Variants in ANKRD13C observed in about 807,000 individuals in gnomAD.
ANKRD13C encodes the protein ankyrin repeat domain 13C.
ANKRD13C carries 16 observed loss-of-function variants against 65.5 expected under a neutral mutation model. The ratio of observed to expected loss-of-function variants is 0.24; its 90% CI spans 0.17 to 0.37. ANKRD13C has a LOEUF of 0.37. Among genes scored for constraint, ANKRD13C ranks in the 10% least tolerant of loss-of-function variants. The probability of loss-of-function intolerance (pLI) is 1.00; values close to 1 mark genes in which losing one functional copy is unlikely to be tolerated. For missense variants in ANKRD13C, 503 were observed against 655.9 expected (o/e 0.77, Z 2.55); for synonymous variants, 235 against 238.7 (o/e 0.98, Z 0.14).
chr1:70,267,815 T>C (rs1427745388), intron 12 of ANKRD13C, among the ~76,000 whole-genome samples: 1 of 152,176 alleles, frequency 6.6e-6, no homozygotes. Flanking sequence ...TATACATTAT[T>C]GTGTGTATGT....
chr1:70,334,321 G>A (rs1459280187), intron 2 of ANKRD13C, among the ~76,000 whole-genome samples: 1 of 152,102 alleles, frequency 6.6e-6, no homozygotes, highest in Non-Finnish European at 1.5e-5. Context: ...GCAAGACCCT[G>A]TCTCTAAAAT....
At chr1:70,266,352 G>A (rs141378668) in intron 12 of ANKRD13C, among the ~76,000 whole-genome samples, 2,963 of 152,238 alleles carry the variant, frequency 0.019, 39 homozygotes, top group Non-Finnish European at 0.029. Flanking sequence ...TATATCCCAC[G>A]GTATAGGTGT....
At chr1:70,344,328 T>C (rs1250533326) in intron 1 of ANKRD13C, among the ~76,000 whole-genome samples, 3 of 142,890 alleles carry the variant, frequency 2.1e-5, no homozygotes, top group Admixed American at 7.2e-5. Flanking sequence ...CTGGGCATGG[T>C]AGTGTGGTAT....
chr1:70,306,359 T>A, intron 5 of ANKRD13C, 69 bp from the exon 6 acceptor site: 1 of 952,076 alleles, frequency 1.1e-6, no homozygotes, highest in Non-Finnish European at 1.6e-6. Flanking sequence ...ACTTTTAAAT[T>A]AAAAGAGTAA....
rs1682890453 is a variant in ANKRD13C at position 70,354,203 on chromosome 1, G to A, written c.206C>T (p.Ser69Phe). ...HRLQLKAAPA[S>F]SNPPGAPALP... ...AGCCGGGGCGCCGGGGGGATTGGAG[G>A]AGGCCGGAGCTGCCTTCAGCTGTAG... The change falls in exon 1 of 13, where the codon TCC becomes TTC. Residue 69 changes from serine to phenylalanine, a missense_variant. Ser to Phe is a radical substitution (Grantham distance 155, BLOSUM62 -2). Transcript: ENST00000370944. 5 of 1,613,836 alleles carry A rather than the reference G, an allele frequency of 3.1e-6. No individual in the cohort carries two copies. The highest frequency in any genetic ancestry group is 4.2e-6 in the Non-Finnish European group (5 of 1,180,036).
At chr1:70,337,903 C>T (rs1682115264) in intron 1 of ANKRD13C, among the ~76,000 whole-genome samples, 2 of 152,092 alleles carry the variant, frequency 1.3e-5, no homozygotes, top group African/African-American at 4.8e-5. Context: ...AGTTCAAGAC[C>T]AGCCTGACCA....
In ANKRD13C at chr1:70,276,685, G is replaced by A. The variant is rs140120022; in HGVS notation, c.1295+80C>T. The A allele has an allele frequency of 7.0e-5, 78 of 1,116,118 alleles. 2 individuals are homozygous for A. The South Asian group carries it at 8.4e-4, about 12-fold the overall frequency. The allele number at this position is 1,116,118 out of a possible 1,614,324, so 69.1% of individuals were successfully genotyped here. On this transcript the variant is annotated intron_variant, in intron 10 of 12. Coordinates refer to ENST00000370944, the MANE Select transcript of ANKRD13C (RefSeq NM_030816.5). Reference sequence around the variant, plus strand: ...AATAATTCTCTCCAAAATAATTTACGCCAAAATATTCACATATTCAGTTTT... The same window carrying A: ...AATAATTCTCTCCAAAATAATTTACACCAAAATATTCACATATTCAGTTTT...
Position 70,276,810 on chromosome 1 carries a change from T to G in ANKRD13C, c.1250A>C (p.Gln417Pro). 6.2e-7 allele frequency: 1 copy of G among 1,604,324 alleles called. No homozygotes were observed. Among genetic ancestry groups the G allele is most frequent in the Non-Finnish European group, 8.5e-7 (1 of 1,177,632 alleles). The change falls in exon 10 of 13, where the codon CAG (glutamine) becomes CCG (proline). Residue 417 changes from glutamine (Q) to proline (P), a missense_variant. By Grantham distance (76) the Gln-to-Pro change is moderately conservative (BLOSUM62 -1). This residue lies in a region of ANKRD13C where 300 missense variants were observed against 478.3 expected (regional missense o/e 0.63). Transcript: ENST00000370944. ...IRRQSLTPPP[Q>P]NTITWEEYIS... ...ATATTCTTCCCATGTAATAGTGTTC[T>G]GAGGAGGAGGTGTAAGAGACTGTCT...
chr1:70,286,910 T>C (rs896024898), intron 9 of ANKRD13C, among the ~76,000 whole-genome samples: 1 of 152,020 alleles, frequency 6.6e-6, no homozygotes, highest in African/African-American at 2.4e-5. Context: ...TGCTTGAACA[T>C]GGCAGGCAGA....
At chr1:70,304,105 G>A (rs932840274) in intron 6 of ANKRD13C, among the ~76,000 whole-genome samples, 7 of 152,052 alleles carry the variant, frequency 4.6e-5, no homozygotes, top group East Asian at 1.9e-4. Context: ...ACAGTGGCAC[G>A]ATCTCGGCTC....
At position 70,324,716 on chromosome 1, in the gene ANKRD13C, T is replaced by C. The variant is rs1681458187; in HGVS notation, c.577+137A>G. 6 of 536,512 alleles carry C rather than the reference T, an allele frequency of 1.1e-5. No individual in the cohort carries two copies. The South Asian group carries it at 2.0e-4, about 17-fold the overall frequency. 33.2% of individuals were successfully genotyped at this position (536,512 alleles called of 1,614,324 possible). A position where few individuals can be genotyped will look rare whatever the true frequency, so the allele number is the denominator to read the frequency against. On this transcript the variant is annotated intron_variant, in intron 3 of 12. Transcript: ENST00000370944. ...ACTCAATGTTCAAGTTCCTAAGTCA[T>C]GAATAATTCACATGTAAGTTTACAC...
intron 6 of ANKRD13C, among the ~76,000 whole-genome samples, chr1:70,303,183 A>C (rs183481521): frequency 3.3e-5 from 5 of 152,266 alleles, no homozygotes; most frequent in Non-Finnish European, 5.9e-5. Context: ...AGGGTAATAC[A>C]TTTTCTGTAT....
intron 3 of ANKRD13C, among the ~76,000 whole-genome samples, 176 bp from the exon 4 acceptor site, chr1:70,315,742 A>G (rs1681046801): frequency 6.6e-6 from 1 of 152,198 alleles, no homozygotes; most frequent in Non-Finnish European, 1.5e-5. Flanking sequence ...GCCAAAAATC[A>G]AAGAGCAATG....
intron 2 of ANKRD13C, among the ~76,000 whole-genome samples, chr1:70,331,569 C>T (rs761048795): frequency 1.3e-5 from 2 of 151,756 alleles, no homozygotes; most frequent in African/African-American, 2.4e-5. Context: ...AAGTAGGCCA[C>T]GCACAGTGGA....
At chr1:70,274,658 A>C (rs1159953540) in intron 11 of ANKRD13C, 62 bp downstream of exon 11, 2 of 1,269,722 alleles carry the variant, frequency 1.6e-6, no homozygotes, top group Non-Finnish European at 2.3e-6. Context: ...TGCAAATATT[A>C]TTACAGCCTT....
chr1:70,280,287 C>T (rs1679329500), intron 9 of ANKRD13C, among the ~76,000 whole-genome samples: 1 of 151,734 alleles, frequency 6.6e-6, no homozygotes, highest in Non-Finnish European at 1.5e-5. Context: ...CTAGGGTAGC[C>T]AAAAGACGTG....
intron 5 of ANKRD13C, among the ~76,000 whole-genome samples, chr1:70,308,167 T>G (rs1457766697): frequency 6.6e-6 from 1 of 152,122 alleles, no homozygotes; most frequent in East Asian, 1.9e-4. Flanking sequence ...TCATTACTTA[T>G]TTATTTTTTT....
chr1:70,352,518 T>C (rs1682789976), intron 1 of ANKRD13C, among the ~76,000 whole-genome samples: 1 of 152,154 alleles, frequency 6.6e-6, no homozygotes, highest in Non-Finnish European at 1.5e-5. Flanking sequence ...TTCAGTGATA[T>C]TCATCCATCT....
chr1:70,271,266 A>C (rs1034425934), intron 11 of ANKRD13C, among the ~76,000 whole-genome samples: 1 of 152,298 alleles, frequency 6.6e-6, no homozygotes. Context: ...AAAGGCTCTT[A>C]TGTGCTTAAT....
Sources: allele counts gnomAD v4.1 joint callset (sites outside exome capture counted in the v4.1 genomes callset), GRCh38; gene constraint gnomAD v4.1.1; regional missense constraint gnomAD v4.1.1; transcripts MANE v1.5; gene names NCBI Gene and HGNC (gene_info 2026-07-23, HGNC 2026-07-21).